RAD51B: variants seen among roughly 807,000 people sequenced by gnomAD.
RAD51B encodes the protein RAD51 paralog B.
RAD51B carries 38 observed loss-of-function variants against 42.2 expected under a neutral mutation model. That is an observed-to-expected ratio of 0.90 (90% CI 0.70 to 1.18). The LOEUF (loss-of-function observed/expected upper bound fraction) is 1.18. RAD51B is among the 50% of genes most tolerant of loss of function. The pLI is 0.00. For missense variants in RAD51B, 373 were observed against 400.7 expected (o/e 0.93, Z 0.59); for synonymous variants, 154 against 145.2 (o/e 1.06, Z -0.43).
rs2078508050 is a variant in RAD51B, at chr14:68,156,455, T to TCTC, written c.757-135429_757-135428insCTC. On this transcript the variant is annotated intron_variant, in intron 7 of 10. Coordinates refer to ENST00000471583, the MANE Select transcript of RAD51B (RefSeq NM_133510.4). Reference sequence around the variant, plus strand: ...AAGTCAAGAAAGCACCTTAGAAAATTTCTCTCTCTCTCTCTCTCTCTCTCT... The same window carrying TCTC: ...AAGTCAAGAAAGCACCTTAGAAAATTCTCTCTCTCTCTCTCTCTCTCTCTCTCT... Among the ~76,000 whole-genome samples, 20 of 114,344 alleles carry TCTC rather than the reference T, an allele frequency of 1.7e-4. No individual in the cohort carries two copies. In the South Asian group the frequency reaches 6.0e-3, roughly 34 times the overall value. 75.0% of individuals were successfully genotyped at this position (114,344 alleles called of 152,430 possible).
chr14:68,188,677 T>G (rs1447390089), intron 7 of RAD51B, among the ~76,000 whole-genome samples: 1 of 152,202 alleles, frequency 6.6e-6, no homozygotes, highest in Non-Finnish European at 1.5e-5. Flanking sequence ...GTGATGCTCC[T>G]CTGTTTTGGA....
At chr14:68,068,181 A>G (rs913034606) in intron 7 of RAD51B, among the ~76,000 whole-genome samples, 1 of 152,188 alleles carries the variant, frequency 6.6e-6, no homozygotes, top group Non-Finnish European at 1.5e-5. Flanking sequence ...GTTTTTTAGT[A>G]TATTTAAAGA....
intron 8 of RAD51B, among the ~76,000 whole-genome samples, chr14:68,331,254 C>T (rs1429253800): frequency 2.7e-5 from 4 of 150,292 alleles, no homozygotes; most frequent in African/African-American, 4.9e-5. Flanking sequence ...CCTAGCTACT[C>T]GGGAGGCTGA....
chr14:68,422,067 T>C, intron 9 of RAD51B: 1 of 1,528,692 alleles, frequency 6.5e-7, no homozygotes, highest in South Asian at 1.1e-5. Context: ...CCAAATCCTT[T>C]CTCTCCAGTG....
chr14:68,279,797 G>A (rs953743224), intron 7 of RAD51B, among the ~76,000 whole-genome samples: 4 of 152,088 alleles, frequency 2.6e-5, no homozygotes, highest in Admixed American at 6.5e-5. Context: ...TAGTTTTAGA[G>A]GTATGCATTT....
intron 8 of RAD51B, among the ~76,000 whole-genome samples, chr14:68,375,231 A>AT (rs1360279841): frequency 6.6e-6 from 1 of 151,618 alleles, no homozygotes; most frequent in Non-Finnish European, 1.5e-5. Flanking sequence ...GTAAAGCTGA[A>AT]TTTTCCTAAC....
chr14:68,247,507 T>C (rs2080524634), intron 7 of RAD51B, among the ~76,000 whole-genome samples: 1 of 152,206 alleles, frequency 6.6e-6, no homozygotes, highest in Non-Finnish European at 1.5e-5. Flanking sequence ...GATGCCTGGT[T>C]TATCACAATG....
chr14:68,597,449 A>AGTCTTTTTTTGCTTTT (rs1891047453), downstream of RAD51B, among the ~76,000 whole-genome samples: 1 of 152,224 alleles, frequency 6.6e-6, no homozygotes, highest in Non-Finnish European at 1.5e-5. Context: ...ACACTATGGA[A>AGTCTTTTTTTGCTTTT]TACTATGCAG....
intron 10 of RAD51B, among the ~76,000 whole-genome samples, chr14:68,625,605 T>C (rs553074702): frequency 6.6e-6 from 1 of 152,278 alleles, no homozygotes; most frequent in Non-Finnish European, 1.5e-5. Context: ...CCCGAGTAGC[T>C]GGGCCCACAG....
At chr14:68,573,892 G>A (rs1227983145) in intron 10 of RAD51B, among the ~76,000 whole-genome samples, 2 of 152,182 alleles carry the variant, frequency 1.3e-5, no homozygotes, top group Admixed American at 6.5e-5. Context: ...ACAAGAGCAT[G>A]CAGCACATGA....
At chr14:68,618,855 T>C (rs150421051) in intron 10 of RAD51B, among the ~76,000 whole-genome samples, 1 of 152,304 alleles carries the variant, frequency 6.6e-6, no homozygotes, top group African/African-American at 2.4e-5. Context: ...ACCTTTTTTT[T>C]TCTTTTGTCC....
At chr14:68,267,453 G>T (rs961790764) in intron 7 of RAD51B, among the ~76,000 whole-genome samples, 1 of 152,126 alleles carries the variant, frequency 6.6e-6, no homozygotes, top group Non-Finnish European at 1.5e-5. Flanking sequence ...TTACCACTGG[G>T]AGAGTCAAAT....
intron 7 of RAD51B, among the ~76,000 whole-genome samples, chr14:67,955,378 A>C (rs571254188): frequency 6.6e-6 from 1 of 152,352 alleles, no homozygotes; most frequent in Admixed American, 6.5e-5. Flanking sequence ...GGTACTTTCA[A>C]ATGTTATAAG....
At chr14:68,575,949 G>A (rs565557124) in intron 10 of RAD51B, among the ~76,000 whole-genome samples, 30 of 152,358 alleles carry the variant, frequency 2.0e-4, no homozygotes, top group Admixed American at 1.8e-3. Context: ...AGGGTTCAGG[G>A]CAGCAACAGG....
intron 7 of RAD51B, among the ~76,000 whole-genome samples, chr14:68,055,722 G>T (rs532337250): frequency 6.6e-6 from 1 of 152,160 alleles, no homozygotes; most frequent in South Asian, 2.1e-4. Flanking sequence ...AATGAAACAC[G>T]CATCTGACAG....
At chr14:68,353,185 C>G (rs985269556) in intron 8 of RAD51B, among the ~76,000 whole-genome samples, 1 of 152,148 alleles carries the variant, frequency 6.6e-6, no homozygotes, top group Non-Finnish European at 1.5e-5. Context: ...GAGGACAGTC[C>G]TGATTTGCAA....
chr14:68,085,453 G>C (rs2140499872), intron 7 of RAD51B, among the ~76,000 whole-genome samples: 1 of 152,230 alleles, frequency 6.6e-6, no homozygotes, highest in South Asian at 2.1e-4. Context: ...AGAAGTATGA[G>C]GAAAATCAGG....
intron 5 of RAD51B, among the ~76,000 whole-genome samples, chr14:67,877,719 G>A (rs1357005027): frequency 6.6e-6 from 1 of 152,222 alleles, no homozygotes; most frequent in Non-Finnish European, 1.5e-5. Flanking sequence ...CTAGAGTGCA[G>A]TGGCACAATC....
intron 8 of RAD51B, among the ~76,000 whole-genome samples, chr14:68,319,595 T>C (rs1399722788): frequency 2.6e-5 from 4 of 152,178 alleles, no homozygotes; most frequent in Non-Finnish European, 5.9e-5. Context: ...TCCAATTCTA[T>C]TGGGAATGGC....
Sources: gnomAD v4.1 joint callset for allele counts (sites outside exome capture counted in the v4.1 genomes callset) on GRCh38, gnomAD v4.1.1 for gene constraint, MANE v1.5 for transcripts, NCBI Gene and HGNC (gene_info 2026-07-23, HGNC 2026-07-21) for gene names.